The following TRAPPC12 variants were observed in gnomAD, a reference collection of about 807,000 sequenced individuals.
The protein encoded by TRAPPC12 is TPR repeat protein 15.
Under a neutral mutation model 69.2 loss-of-function variants are expected in TRAPPC12, and 61 were observed. The ratio of observed to expected loss-of-function variants is 0.88; its 90% confidence interval spans 0.72 to 1.09. The LOEUF (loss-of-function observed/expected upper bound fraction) is 1.09. TRAPPC12 is among the 50% of genes least tolerant of loss of function. The pLI is 0.00. For synonymous variants in TRAPPC12, 469 were observed against 438.9 expected (o/e 1.07, Z -0.86); for missense variants, 1,101 against 1,016.4 (o/e 1.08, Z -1.13).
Position 3,388,046 on chromosome 2 carries a change from C to A in TRAPPC12, c.423C>A (p.Gly141=), listed in dbSNP as rs769738096. ...PRQDAAREVP[G]SEAARPEQEP... is the part of the protein sequence containing the mutation. ...AGGACGCGGCCCGCGAGGTCCCAGG[C>A]AGCGAAGCCGCGCGCCCGGAGCAGG... Residue 141 remains glycine (G), a synonymous_variant, in exon 2 of 12, where the codon GGC becomes GGA. Transcript: ENST00000324266. The A allele has an allele frequency of 6.7e-7, 1 of 1,500,658 alleles. No individual in the cohort carries two copies. Among genetic ancestry groups the A allele is most frequent in the South Asian group, 1.2e-5 (1 of 80,340 alleles). 93.0% of individuals were successfully genotyped at this position (1,500,658 alleles called of 1,614,324 possible). A position where few individuals can be genotyped will look rare whatever the true frequency, so the allele number is the denominator to read the frequency against.
chr2:3,424,737 T>G (rs10166880), intron 5 of TRAPPC12, 74 bp downstream of exon 5: 471,551 of 1,431,448 alleles, frequency 0.33, 80,769 homozygotes, highest in Middle Eastern at 0.41. Context: ...ATACATAATT[T>G]CGTAGCCTCA....
rs969341051 is a variant in TRAPPC12, at chr2:3,458,277, G to C, written c.1603+584G>C. On this transcript the variant is annotated intron_variant, in intron 7 of 11. Coordinates refer to ENST00000324266, the MANE Select transcript of TRAPPC12 (RefSeq NM_016030.6). Reference sequence around the variant, plus strand: ...GTGCGTTAGCCAGGAGCAAGCTTCCGATCATGCTTGGAAACCTGGCCTGAG... The same window carrying C: ...GTGCGTTAGCCAGGAGCAAGCTTCCCATCATGCTTGGAAACCTGGCCTGAG... 4.1e-6 allele frequency: 4 copies of C among 987,114 alleles called. No homozygotes were observed. In the African/African-American group the frequency reaches 5.2e-5, roughly 13 times the overall value. 61.1% of individuals were successfully genotyped at this position (987,114 alleles called of 1,614,324 possible).
chr2:3,401,938 C>T (rs1661467143), intron 3 of TRAPPC12, 45 bp downstream of exon 3: 2 of 1,238,484 alleles, frequency 1.6e-6, no homozygotes. Context: ...TGTGATAAGT[C>T]CTGCCTGCCT....
At chr2:3,415,396 C>CTTCTT (rs56696245) in intron 3 of TRAPPC12, among the ~76,000 whole-genome samples, 42,140 of 150,484 alleles carry the variant, frequency 0.28, 6,186 homozygotes, top group East Asian at 0.4. Context: ...GGTGCATTCA[C>CTTCTT]TTCTTTTCTT....
At chr2:3,384,164 A>G (rs556143186) in intron 1 of TRAPPC12, among the ~76,000 whole-genome samples, 180 of 152,152 alleles carry the variant, frequency 1.2e-3, no homozygotes, top group Middle Eastern at 0.01. Context: ...CCAAATTGCT[A>G]GGATTACAGG....
intron 1 of TRAPPC12, among the ~76,000 whole-genome samples, chr2:3,385,705 G>A (rs142900802): frequency 3.3e-5 from 5 of 152,216 alleles, no homozygotes; most frequent in African/African-American, 1.2e-4. Context: ...ATGAGACGGA[G>A]GGAAGATCCC....
intron 6 of TRAPPC12, chr2:3,455,483 C>G (rs1426441372): frequency 1.3e-5 from 2 of 152,008 alleles, no homozygotes; most frequent in Admixed American, 6.6e-5. Flanking sequence ...GTACCCATTA[C>G]CATCCCCACT....
At chr2:3,398,020 A>G (rs756613866) in intron 2 of TRAPPC12, among the ~76,000 whole-genome samples, 4 of 152,194 alleles carry the variant, frequency 2.6e-5, no homozygotes, top group African/African-American at 7.2e-5. Flanking sequence ...CTTCTGAGCA[A>G]TGTTGCAGTT....
chr2:3,393,731 TA>T (rs1660962889), intron 2 of TRAPPC12, among the ~76,000 whole-genome samples: 1 of 152,032 alleles, frequency 6.6e-6, no homozygotes, highest in Admixed American at 6.6e-5. Flanking sequence ...GGCTTAACTT[TA>T]GTGTTCCATA....
chr2:3,419,033 C>T (rs1386105854), intron 3 of TRAPPC12, among the ~76,000 whole-genome samples: 1 of 152,232 alleles, frequency 6.6e-6, no homozygotes, highest in Non-Finnish European at 1.5e-5. Flanking sequence ...ACCCTGCCCT[C>T]TGCTCCCTGT....
At chr2:3,477,503 A>C (rs1666342921) in intron 9 of TRAPPC12, among the ~76,000 whole-genome samples, 192 bp from the exon 10 acceptor site, 2 of 152,254 alleles carry the variant, frequency 1.3e-5, no homozygotes, top group African/African-American at 4.8e-5. Context: ...GACATATAGA[A>C]CATTAACATT....
At chr2:3,425,968 G>A (rs923153524) in intron 5 of TRAPPC12, among the ~76,000 whole-genome samples, 2 of 152,086 alleles carry the variant, frequency 1.3e-5, no homozygotes, top group East Asian at 1.9e-4. Context: ...CTGTTTCTTT[G>A]GAGGGGCATA....
intron 9 of TRAPPC12, among the ~76,000 whole-genome samples, chr2:3,476,161 C>T (rs1422733780): frequency 6.6e-6 from 1 of 152,154 alleles, no homozygotes; most frequent in East Asian, 1.9e-4. Flanking sequence ...CCTGTGTTTT[C>T]TCTTGTTTCA....
intron 10 of TRAPPC12, 162 bp downstream of exon 10, chr2:3,477,957 C>T: frequency 2.1e-6 from 1 of 465,578 alleles, no homozygotes; most frequent in Non-Finnish European, 3.9e-6. Context: ...CAGGTGTTTT[C>T]TTGAATCGCA....
chr2:3,471,814 G>GTCCTCACTTGGACTTGGGTCTGAGAGGA (rs527543820), intron 9 of TRAPPC12, among the ~76,000 whole-genome samples: 1 of 152,054 alleles, frequency 6.6e-6, no homozygotes, highest in Non-Finnish European at 1.5e-5. Flanking sequence ...GACTGAGAGG[G>GTCCTCACTTGGACTTGGGTCTGAGAGGA]TCCTCACTTG....
intron 5 of TRAPPC12, among the ~76,000 whole-genome samples, chr2:3,434,816 A>G (rs1484157417): frequency 6.6e-6 from 1 of 152,216 alleles, no homozygotes; most frequent in Non-Finnish European, 1.5e-5. Flanking sequence ...AGTGTCTACA[A>G]GGAGAGGTGG....
chr2:3,476,840 T>G (rs1227134572), intron 9 of TRAPPC12, among the ~76,000 whole-genome samples: 1 of 152,220 alleles, frequency 6.6e-6, no homozygotes, highest in Non-Finnish European at 1.5e-5. Context: ...TCTGTTAAGT[T>G]TCTGCTGCTG....
chr2:3,460,618 C>G (rs1157574636), intron 8 of TRAPPC12: 1 of 384,756 alleles, frequency 2.6e-6, no homozygotes, highest in African/African-American at 2.1e-5. Context: ...CATTTTCCCC[C>G]ATTTTTCTCT....
chr2:3,478,816 C>T (rs750498235), intron 10 of TRAPPC12, 30 bp from the exon 11 acceptor site: 30 of 1,608,276 alleles, frequency 1.9e-5, no homozygotes, highest in Middle Eastern at 1.7e-4. Context: ...GGGCTTTCCC[C>T]GCTAACTGCC....
Sources: allele counts gnomAD v4.1 joint callset (sites outside exome capture counted in the v4.1 genomes callset), GRCh38; gene constraint gnomAD v4.1.1; transcripts MANE v1.5; gene names NCBI Gene and HGNC (gene_info 2026-07-23, HGNC 2026-07-21).